Variants in DRD4 observed in about 807,000 individuals in gnomAD.
DRD4 encodes the protein dopamine receptor D4, also known as D(4) dopamine receptor.
Under a neutral mutation model 22.1 loss-of-function variants are expected in DRD4, and 26 were observed. That is an observed-to-expected ratio of 1.17 (90% confidence interval 0.86 to 1.63). The LOEUF (loss-of-function observed/expected upper bound fraction) is 1.63. DRD4 is among the 40% of genes most tolerant of loss of function. The pLI is 0.00. For missense variants in DRD4, 913 were observed against 632.4 expected (o/e 1.44, Z -4.76); for synonymous variants, 455 against 306.7 (o/e 1.48, Z -5.05).
chr11:637,606 C>A lies in DRD4; in HGVS notation c.285+17C>A. On this transcript the variant is annotated intron_variant, in intron 1 of 3. Coordinates refer to ENST00000176183, the MANE Select transcript of DRD4 (RefSeq NM_000797.4). Reference sequence around the variant, plus strand: ...TACTCCGAGGTGAGCCGCGTCCGGCCGCACGAGCATCCTCACCTGCTCCTC... The same window carrying A: ...TACTCCGAGGTGAGCCGCGTCCGGCAGCACGAGCATCCTCACCTGCTCCTC... The A allele has an allele frequency of 6.5e-7, 1 of 1,541,844 alleles. No individual in the cohort carries two copies. Among genetic ancestry groups the A allele is most frequent in the Non-Finnish European group, 8.7e-7 (1 of 1,147,818 alleles).
chr11:637,653 C>T (rs751211711), intron 1 of DRD4, 64 bp downstream of exon 1: 57 of 1,533,768 alleles, frequency 3.7e-5, no homozygotes, highest in South Asian at 6.0e-5. Flanking sequence ...CCTGTCCCTA[C>T]GGAGGACCCG....
At chr11:638,524 G>C (rs951711629) in intron 1 of DRD4, among the ~76,000 whole-genome samples, 1 of 152,092 alleles carries the variant, frequency 6.6e-6, no homozygotes, top group Non-Finnish European at 1.5e-5. Context: ...TCCTACGCTG[G>C]GCACTGGGCA....
chr11:639,320 C>A (rs1333254718), intron 1 of DRD4, 113 bp from the exon 2 acceptor site: 2 of 1,011,468 alleles, frequency 2.0e-6, no homozygotes, highest in Admixed American at 2.0e-5. Flanking sequence ...CTCTGGCTCA[C>A]AGCCGGGCCC....
chr11:640,256 A>T lies in DRD4; in HGVS notation c.1007A>T (p.Lys336Met), dbSNP rs1414676585. 1 of 1,533,130 alleles carries T rather than the reference A, an allele frequency of 6.5e-7. No homozygotes were observed. Among genetic ancestry groups the T allele is most frequent in the African/African-American group, 1.4e-5 (1 of 72,878 alleles). 95.0% of individuals were successfully genotyped at this position (1,533,130 alleles called of 1,614,324 possible). The change falls in exon 3 of 4, where the codon AAG becomes ATG. Residue 336 changes from lysine to methionine, a missense_variant. By Grantham distance (95) the Lys-to-Met change is moderately conservative. Transcript: ENST00000176183. ...PPQTRRRRRA[K>M]ITGRERKAMR... ...CAGACCCGCAGGAGGCGGCGTGCCA[A>T]GATCACCGGCCGGGAGCGCAAGGCC...
Position 639,965 on chromosome 11 carries a change from G to A in DRD4, c.716G>A (p.Ser239Asn). The A allele has an allele frequency of 1.4e-6, 2 of 1,468,428 alleles. No homozygotes were observed. The highest frequency in any genetic ancestry group is 1.3e-5 in the South Asian group (1 of 76,740). 91.0% of individuals were successfully genotyped at this position (1,468,428 alleles called of 1,614,324 possible). The change falls in exon 3 of 4, where the codon AGC (serine) becomes AAC (asparagine). Residue 239 changes from serine to asparagine, a missense_variant. By Grantham distance (46) the Ser-to-Asn change is conservative (BLOSUM62 1). Coordinates refer to ENST00000176183, the MANE Select transcript of DRD4 (RefSeq NM_000797.4). ...CACGGCCGCGCGCCCCGCCGACCCA[G>A]CGGCCCTGGCCCGCCTTCCCCCACG... is the stretch of plus-strand genomic sequence containing the variant. Reference protein sequence around the residue: ...KLHGRAPRRPSGPGPPSPTPP... With the variant: ...KLHGRAPRRPNGPGPPSPTPP...
In DRD4 at chr11:640,308, T is replaced by C. The variant is rs1347178616; in HGVS notation, c.1057+2T>C. On this transcript the variant is annotated splice_donor_variant, in intron 3 of 3. Transcript: ENST00000176183. LOFTEE classifies it high-confidence loss of function. ...TGAGGGTCCTGCCGGTGGTGGTCGG[T>C]GGGTTCCTGTCCTGAGGGGCGGGGA... is the stretch of plus-strand genomic sequence containing the variant. 6.6e-7 allele frequency: 1 copy of C among 1,519,992 alleles called. No individual in the cohort carries two copies. The highest frequency in any genetic ancestry group is 1.2e-5 in the South Asian group (1 of 83,980). 94.2% of individuals were successfully genotyped at this position (1,519,992 alleles called of 1,614,324 possible). A position where few individuals can be genotyped will look rare whatever the true frequency, so the allele number is the denominator to read the frequency against.
chr11:639,330 C>T (rs937809360), intron 1 of DRD4, 103 bp from the exon 2 acceptor site: 1 of 1,115,086 alleles, frequency 9.0e-7, no homozygotes, highest in South Asian at 1.3e-5. Flanking sequence ...CAGCCGGGCC[C>T]CCTTCTCCGT....
rs1858219377 is a variant in DRD4, at chr11:640,579, C to G, written c.1236C>G (p.Arg412=). Residue 412 remains arginine (R), a synonymous_variant, in exon 4 of 4, where the codon CGC becomes CGG. Transcript: ENST00000176183. ...ACGCCGAGTTCCGCAACGTCTTCCG[C>G]AAGGCCCTGCGTGCCTGCTGCTGAG... The part of the protein sequence containing the change: ...VFNAEFRNVF[R]KALRACC 2.5e-6 allele frequency: 4 copies of G among 1,599,708 alleles called. No homozygotes were observed. The highest frequency in any genetic ancestry group is 3.4e-6 in the Non-Finnish European group (4 of 1,179,822).
rs760967734 is a variant in DRD4 at position 637,543 on chromosome 11, A to C, written c.239A>C (p.Asp80Ala). ...NSFIVSLAAA[D>A]LLLALLVLPL... The stretch of plus-strand genomic sequence containing the variant: ...TTCATCGTGAGCCTGGCGGCCGCCG[A>C]CCTCCTCCTCGCTCTCCTGGTGCTG... The change falls in exon 1 of 4, where the codon GAC becomes GCC. Residue 80 changes from aspartate to alanine, a missense_variant. Asp to Ala is a moderately radical substitution (Grantham distance 126, BLOSUM62 -2). Transcript: ENST00000176183. 1 of 1,522,520 alleles carries C rather than the reference A, an allele frequency of 6.6e-7. No individual in the cohort carries two copies. The highest frequency in any genetic ancestry group is 8.9e-7 in the Non-Finnish European group (1 of 1,125,914). 94.3% of individuals were successfully genotyped at this position (1,522,520 alleles called of 1,614,324 possible).
intron 1 of DRD4, 135 bp from the exon 2 acceptor site, chr11:639,298 C>G: frequency 2.5e-6 from 2 of 801,966 alleles, no homozygotes; most frequent in South Asian, 2.9e-5. Flanking sequence ...TTTCCCTGCC[C>G]GGTCCTCTGG....
intron 1 of DRD4, among the ~76,000 whole-genome samples, chr11:637,948 G>C (rs1015538562): frequency 2.0e-5 from 3 of 151,960 alleles, no homozygotes; most frequent in Admixed American, 2.0e-4. Context: ...CAGCTGGACA[G>C]ACAGGCAGAT....
intron 1 of DRD4, 83 bp downstream of exon 1, chr11:637,672 C>T (rs1305298812): frequency 7.8e-6 from 12 of 1,530,868 alleles, no homozygotes; most frequent in African/African-American, 2.7e-5. Flanking sequence ...CGGCGCGACC[C>T]GGCCCCTTTC....
rs571899363 is a variant in DRD4 at position 637,491 on chromosome 11, C to T, written c.187C>T (p.Arg63Cys). Reference protein sequence around the residue: ...SLVCVSVATERALQTPTNSFI... With the variant: ...SLVCVSVATECALQTPTNSFI... ...CGTGTGCGTGAGCGTGGCCACCGAG[C>T]GCGCCCTGCAGACGCCCACCAACTC... Residue 63 changes from arginine to cysteine, a missense_variant, in exon 1 of 4, where the codon CGC (arginine) becomes TGC (cysteine). Arg to Cys is a radical substitution (Grantham distance 180). Coordinates refer to ENST00000176183, the MANE Select transcript of DRD4 (RefSeq NM_000797.4). 1.1e-5 allele frequency: 17 copies of T among 1,548,400 alleles called. No individual in the cohort carries two copies. The African/African-American group carries it at 1.4e-4, about 12-fold the overall frequency.
rs1482666645 is a variant in DRD4, at chr11:639,669, G to A, written c.420G>A (p.Pro140=). 4.1e-6 allele frequency: 6 copies of A among 1,466,306 alleles called. No individual in the cohort carries two copies. The African/African-American group carries it at 5.9e-5, about 14-fold the overall frequency. 90.8% of individuals were successfully genotyped at this position (1,466,306 alleles called of 1,614,324 possible). A position where few individuals can be genotyped will look rare whatever the true frequency, so the allele number is the denominator to read the frequency against. The change falls in exon 3 of 4, where the codon CCG becomes CCA. Residue 140 remains proline (P), a synonymous_variant. Transcript: ENST00000176183. ...SVDRFVAVAV[P]LRYNRQGGSR... is the part of the protein sequence containing the mutation. The stretch of plus-strand genomic sequence containing the variant: ...GCAGGTTCGTGGCCGTGGCCGTGCC[G>A]CTGCGCTACAACCGGCAGGGTGGGA...
In DRD4 at chr11:637,366, G is replaced by T. The variant is rs1031335519; in HGVS notation, c.62G>T (p.Gly21Val). The T allele has an allele frequency of 2.6e-6, 3 of 1,139,574 alleles. No homozygotes were observed. The highest frequency in any genetic ancestry group is 3.3e-5 in the African/African-American group (2 of 60,898). 70.6% of individuals were successfully genotyped at this position (1,139,574 alleles called of 1,614,324 possible). The change falls in exon 1 of 4, where the codon GGG (glycine) becomes GTG (valine). Residue 21 changes from glycine to valine, a missense_variant. Gly to Val is a moderately radical substitution (Grantham distance 109). Transcript: ENST00000176183. ...GLLAGRGPAA[G>V]ASAGASAGLA... ...CTGGCTGGGCGCGGGCCGGCCGCGG[G>T]GGCATCTGCGGGGGCATCTGCGGGG...
rs1285519322 is a variant in DRD4 at position 637,273 on chromosome 11, T to C, written c.-32T>C. The C allele has an allele frequency of 8.5e-7, 1 of 1,173,782 alleles. No homozygotes were observed. Among genetic ancestry groups the C allele is most frequent in the East Asian group, 4.1e-5 (1 of 24,162 alleles). The allele number at this position is 1,173,782 out of a possible 1,614,324, so 72.7% of individuals were successfully genotyped here. On this transcript the variant is annotated 5_prime_UTR_variant, in exon 1 of 4. Coordinates refer to ENST00000176183, the MANE Select transcript of DRD4 (RefSeq NM_000797.4). ...CTCCCCGGCTTGCGACCCGGCGTTG[T>C]CCGCGGTGCTCAGCGCCCGCCCGGG...
chr11:637,287 C>T lies in DRD4; in HGVS notation c.-18C>T, dbSNP rs1369739565. 18 of 1,189,620 alleles carry T rather than the reference C, an allele frequency of 1.5e-5. 1 individual carries two copies. The highest frequency in any genetic ancestry group is 3.3e-4 in the Middle Eastern group (1 of 2,994). The allele number at this position is 1,189,620 out of a possible 1,614,324, so 73.7% of individuals were successfully genotyped here. A position where few individuals can be genotyped will look rare whatever the true frequency, so the allele number is the denominator to read the frequency against. ...ACCCGGCGTTGTCCGCGGTGCTCAG[C>T]GCCCGCCCGGGCGCGCCATGGGGAA... On this transcript the variant is annotated 5_prime_UTR_variant, in exon 1 of 4. Coordinates refer to ENST00000176183, the MANE Select transcript of DRD4 (RefSeq NM_000797.4).
intron 1 of DRD4, 98 bp from the exon 2 acceptor site, chr11:639,335 C>G: frequency 2.6e-6 from 3 of 1,173,836 alleles, no homozygotes; most frequent in Non-Finnish European, 3.6e-6. Flanking sequence ...GGGCCCCCTT[C>G]TCCGTATTCA....
At chr11:639,380 A>C in intron 1 of DRD4, 53 bp from the exon 2 acceptor site, 1 of 1,501,714 alleles carries the variant, frequency 6.7e-7, no homozygotes, top group Non-Finnish European at 9.0e-7. Context: ...GGGGCGGGTC[A>C]CAAGGGCCCG....
Sources: gnomAD v4.1 joint callset for allele counts (sites outside exome capture counted in the v4.1 genomes callset) on GRCh38, gnomAD v4.1.1 for gene constraint, MANE v1.5 for transcripts, NCBI Gene and HGNC (gene_info 2026-07-23, HGNC 2026-07-21) for gene names.